The following UNG variants were observed in gnomAD, a reference collection of about 807,000 sequenced individuals.
UNG encodes the protein uracil-DNA glycosylase.
A neutral mutation model predicts 36.5 loss-of-function variants in UNG; 34 were observed. The ratio of observed to expected loss-of-function variants is 0.93; its 90% confidence interval spans 0.71 to 1.24. UNG has a LOEUF of 1.24. Ranked by LOEUF, UNG falls within the 50% of genes most tolerant of loss-of-function variation. The pLI, the probability that UNG is intolerant of heterozygous loss-of-function variation, is 0.00. For missense variants in UNG, 391 were observed against 397.6 expected (o/e 0.98, Z 0.14); for synonymous variants, 172 against 157.8 (o/e 1.09, Z -0.67).
intron 1 of UNG, 151 bp downstream of exon 1, chr12:109,097,962 C>A (rs1736875748): frequency 3.9e-6 from 5 of 1,289,488 alleles, no homozygotes; most frequent in Non-Finnish European, 5.1e-6. Flanking sequence ...ATAGCCGCCG[C>A]TGTCCCCCAT....
rs144083363 is a variant in UNG, at chr12:109,098,545, G to C, written c.246G>C (p.Leu82=). The change falls in exon 2 of 7, where the codon CTG becomes CTC. Residue 82 remains leucine, a synonymous_variant. Coordinates refer to ENST00000242576, the MANE Select transcript of UNG (RefSeq NM_080911.3). ...DRIQRNKAAA[L]LRLAARNVPV... is the part of the protein sequence containing the mutation. ...TCCAGAGGAACAAGGCCGCGGCCCT[G>C]CTCAGACTCGCGGCCCGCAACGTGC... 1.2e-3 allele frequency: 1,993 copies of C among 1,613,226 alleles called. 1 individual carries two copies. Among genetic ancestry groups the C allele is most frequent in the Admixed American group, 2.5e-3 (150 of 60,022 alleles).
intron 6 of UNG, 42 bp from the exon 7 acceptor site, chr12:109,109,787 A>G (rs1593326303): frequency 4.4e-6 from 7 of 1,589,036 alleles, no homozygotes; most frequent in Middle Eastern, 1.7e-4. Context: ...AAAAATTTAA[A>G]AAGTCCCAAA....
chr12:109,098,456 G>C lies in UNG; in HGVS notation c.157G>C (p.Ala53Pro). The change falls in exon 2 of 7, where the codon GCT becomes CCT. Residue 53 changes from alanine to proline, a missense_variant. Transcript: ENST00000242576. Reference protein sequence around the residue: ...AAAIPAKKAPAGQEEPGTPPS... With the variant: ...AAAIPAKKAPPGQEEPGTPPS... ...GGCCATCCCAGCCAAGAAGGCCCCG[G>C]CTGGGCAGGAGGAGCCTGGGACGCC... The C allele has an allele frequency of 6.2e-7, 1 of 1,610,750 alleles. No homozygotes were observed. The highest frequency in any genetic ancestry group is 8.5e-7 in the Non-Finnish European group (1 of 1,178,822).
intron 1 of UNG, 86 bp from the exon 2 acceptor site, chr12:109,098,346 G>C: frequency 6.2e-7 from 1 of 1,604,192 alleles, no homozygotes; most frequent in Non-Finnish European, 8.5e-7. Flanking sequence ...TTCTGCCTTG[G>C]GCCGTGGGGG....
chr12:109,100,700 C>G (rs988162406), intron 3 of UNG, among the ~76,000 whole-genome samples: 1 of 152,180 alleles, frequency 6.6e-6, no homozygotes, highest in Non-Finnish European at 1.5e-5. Context: ...GATGGGCCAG[C>G]AGGGCTTCTT....
At chr12:109,100,865 T>A (rs975985851) in intron 3 of UNG, among the ~76,000 whole-genome samples, 4 of 152,106 alleles carry the variant, frequency 2.6e-5, no homozygotes, top group Admixed American at 1.3e-4. Flanking sequence ...TGGAGGAAGA[T>A]TCTAAGAACG....
rs541181610 is a variant in UNG at position 109,098,831 on chromosome 12, A to G, written c.339+193A>G. On this transcript the variant is annotated intron_variant, in intron 2 of 6. Transcript: ENST00000242576. Reference sequence around the variant, plus strand: ...CAGCTTTATATTGGTTAAAGTTGTTAACGACCCGCGAGATGATATCATGGA... The same window carrying G: ...CAGCTTTATATTGGTTAAAGTTGTTGACGACCCGCGAGATGATATCATGGA... Among the ~76,000 whole-genome samples the G allele has an allele frequency of 5.9e-5, 9 of 152,278 alleles. No individual in the cohort carries two copies. In the East Asian group the frequency reaches 1.5e-3, roughly 26 times the overall value.
In UNG at chr12:109,101,759, G is replaced by A. The variant is rs1163252388; in HGVS notation, c.436-143G>A. The A allele has an allele frequency of 2.4e-5, 17 of 722,240 alleles. No homozygotes were observed. In the Middle Eastern group the frequency reaches 1.1e-3, roughly 46 times the overall value. The allele number at this position is 722,240 out of a possible 1,614,324, so 44.7% of individuals were successfully genotyped here. A position where few individuals can be genotyped will look rare whatever the true frequency, so the allele number is the denominator to read the frequency against. ...ACATATCTTTACAAGTTTAAAATACGCTTAGCCTTTGACCAGCAACTCTGC... is the reference window on the plus strand; with the variant it reads ...ACATATCTTTACAAGTTTAAAATACACTTAGCCTTTGACCAGCAACTCTGC... On this transcript the variant is annotated intron_variant, in intron 3 of 6. Coordinates refer to ENST00000242576, the MANE Select transcript of UNG (RefSeq NM_080911.3).
intron 6 of UNG, among the ~76,000 whole-genome samples, chr12:109,106,934 T>TATATATATGTGTATATATATATATAA (rs1566123324): frequency 2.5e-5 from 1 of 39,926 alleles, no homozygotes; most frequent in African/African-American, 1.4e-4. Context: ...TATATATATA[T>TATATATATGTGTATATATATATATAA]AAAAAATATT....
chr12:109,099,638 A>T (rs995090963), intron 3 of UNG, among the ~76,000 whole-genome samples: 2 of 152,130 alleles, frequency 1.3e-5, no homozygotes, highest in African/African-American at 4.8e-5. Context: ...CCCCACCTTG[A>T]CCTGACCACA....
At position 109,099,215 on chromosome 12, in the gene UNG, A is replaced by C. The variant is rs200273184; in HGVS notation, c.366A>C (p.Arg122Ser). The change falls in exon 3 of 7, where the codon AGA (arginine) becomes AGC (serine). Residue 122 changes from arginine to serine, a missense_variant. Arg to Ser is a moderately radical substitution (Grantham distance 110). Coordinates refer to ENST00000242576, the MANE Select transcript of UNG (RefSeq NM_080911.3). The stretch of plus-strand genomic sequence containing the variant: ...TAATGGGATTTGTTGCAGAAGAAAG[A>C]AAGCATTACACTGTTTATCCACCCC... ...IKLMGFVAEE[R>S]KHYTVYPPPH... The C allele has an allele frequency of 3.0e-5, 49 of 1,613,656 alleles. No homozygotes were observed. Among genetic ancestry groups the C allele is most frequent in the Admixed American group, 8.3e-5 (5 of 60,004 alleles).
intron 6 of UNG, among the ~76,000 whole-genome samples, chr12:109,104,859 C>T (rs959917390): frequency 6.6e-6 from 1 of 152,034 alleles, no homozygotes; most frequent in Non-Finnish European, 1.5e-5. Flanking sequence ...CAGGAGGTAA[C>T]GGGGGTATCA....
intron 6 of UNG, among the ~76,000 whole-genome samples, chr12:109,106,904 CGTATATATATAT>C (rs1593324331): frequency 2.0e-3 from 124 of 61,654 alleles, no homozygotes; most frequent in East Asian, 4.0e-3. Context: ...TATATATATA[CGTATATATATAT>C]GTGTATATAT....
chr12:109,106,892 C>CGT (rs2042219513), intron 6 of UNG, among the ~76,000 whole-genome samples: 1 of 8,686 alleles, frequency 1.2e-4, no homozygotes, highest in African/African-American at 9.6e-4. Context: ...TATATATACA[C>CGT]ATATATATAT....
chr12:109,104,437 C>T (rs891104817), intron 6 of UNG, among the ~76,000 whole-genome samples: 1 of 152,110 alleles, frequency 6.6e-6, no homozygotes, highest in African/African-American at 2.4e-5. Context: ...TTCCCCCTAT[C>T]TGCTACCTCC....
Position 109,098,530 on chromosome 12 carries a change from C to G in UNG, c.231C>G (p.Asn77Lys), listed in dbSNP as rs762261195. The G allele has an allele frequency of 2.2e-5, 35 of 1,612,956 alleles. No homozygotes were observed. The highest frequency in any genetic ancestry group is 2.9e-5 in the Non-Finnish European group (34 of 1,179,968). Reference sequence around the variant, plus strand: ...AGCAGTTGGACCGGATCCAGAGGAACAAGGCCGCGGCCCTGCTCAGACTCG... The same window carrying G: ...AGCAGTTGGACCGGATCCAGAGGAAGAAGGCCGCGGCCCTGCTCAGACTCG... ...SAEQLDRIQR[N>K]KAAALLRLAA... Residue 77 changes from asparagine to lysine, a missense_variant, in exon 2 of 7, where the codon AAC becomes AAG. Asn to Lys is a moderately conservative substitution (Grantham distance 94). Transcript: ENST00000242576.
chr12:109,097,859 C>G, intron 1 of UNG, 48 bp downstream of exon 1: 14 of 1,474,566 alleles, frequency 9.5e-6, no homozygotes, highest in African/African-American at 1.4e-5. Context: ...GGGAGGAAGG[C>G]GGTGGGCCCC....
rs941088015 is a variant in UNG at position 109,097,651 on chromosome 12, C to G, written c.-29C>G. 6 of 1,599,886 alleles carry G rather than the reference C, an allele frequency of 3.8e-6. No individual in the cohort carries two copies. Among genetic ancestry groups the G allele is most frequent in the Non-Finnish European group, 5.1e-6 (6 of 1,173,246 alleles). On this transcript the variant is annotated 5_prime_UTR_variant, in exon 1 of 7. Coordinates refer to ENST00000242576, the MANE Select transcript of UNG (RefSeq NM_080911.3). ...GCTAGCCTCGCCGGTTCCCGGGTGG[C>G]GCGCGTTCGCTGCCTCCTCAGCTCC...
In UNG at chr12:109,099,173, T is replaced by C; in HGVS notation, c.340-16T>C. ...AATGAGAATCTGATTTTAAGTCTAG[T>C]TTATCTTTAAATCAGCTAATGGGAT... On this transcript the variant is annotated splice_polypyrimidine_tract_variant and intron_variant, in intron 2 of 6. Transcript: ENST00000242576. The C allele has an allele frequency of 6.2e-7, 1 of 1,606,260 alleles. No homozygotes were observed. The highest frequency in any genetic ancestry group is 8.5e-7 in the Non-Finnish European group (1 of 1,174,168).
Sources: gnomAD v4.1 joint callset for allele counts (sites outside exome capture counted in the v4.1 genomes callset) on GRCh38, gnomAD v4.1.1 for gene constraint, MANE v1.5 for transcripts, NCBI Gene and HGNC (gene_info 2026-07-23, HGNC 2026-07-21) for gene names.